Variants in RCAN1 observed in about 807,000 individuals in gnomAD.
The protein encoded by RCAN1 is regulator of calcineurin 1, also known as calcipressin-1.
Under a neutral mutation model 22.9 loss-of-function variants are expected in RCAN1, and 11 were observed. That is an observed-to-expected ratio of 0.48 (90% CI 0.30 to 0.79). The LOEUF (loss-of-function observed/expected upper bound fraction) is 0.79, where lower values mean the gene tolerates loss of function less well. RCAN1 is among the 30% of genes least tolerant of loss of function. The pLI is 0.06. For missense variants in RCAN1, 291 were observed against 337.8 expected, an observed-to-expected ratio of 0.86 and a Z score of 1.09; for synonymous variants, 136 against 142.3, an observed-to-expected ratio of 0.96 and a Z score of 0.32.
intron 1 of RCAN1, among the ~76,000 whole-genome samples, chr21:34,587,161 C>A (rs1039367302): frequency 6.6e-6 from 1 of 151,924 alleles, no homozygotes; most frequent in Admixed American, 6.6e-5. Flanking sequence ...TATTAGAAAG[C>A]CTATATAAAT....
At chr21:34,524,842 C>G (rs1402405423) in intron 1 of RCAN1, among the ~76,000 whole-genome samples, 1 of 151,826 alleles carries the variant, frequency 6.6e-6, no homozygotes, top group Non-Finnish European at 1.5e-5. Flanking sequence ...TGGAGTGTGG[C>G]TGTCGGTGGG....
chr21:34,583,850 A>T (rs1193545169), intron 1 of RCAN1, among the ~76,000 whole-genome samples: 1 of 152,204 alleles, frequency 6.6e-6, no homozygotes, highest in Non-Finnish European at 1.5e-5. Flanking sequence ...CACTGCAGAG[A>T]CCTGAAGGCT....
chr21:34,538,445 T>C (rs1196931405), intron 1 of RCAN1, among the ~76,000 whole-genome samples: 1 of 151,774 alleles, frequency 6.6e-6, no homozygotes, highest in African/African-American at 2.4e-5. Flanking sequence ...GGTGAAATTA[T>C]GTGGCACATA....
At chr21:34,578,810 A>G (rs905344410) in intron 1 of RCAN1, among the ~76,000 whole-genome samples, 18 of 152,118 alleles carry the variant, frequency 1.2e-4, no homozygotes, top group Admixed American at 2.0e-4. Flanking sequence ...AGCGCCCAAC[A>G]GAGTGGGTCC....
At position 34,518,073 on chromosome 21, in the gene RCAN1, C is replaced by G. The variant is rs200513615; in HGVS notation, c.*11G>C. The G allele has an allele frequency of 6.2e-7, 1 of 1,613,770 alleles. No individual in the cohort carries two copies. The highest frequency in any genetic ancestry group is 1.3e-5 in the African/African-American group (1 of 74,888). On this transcript the variant is annotated 3_prime_UTR_variant, in exon 4 of 4. Coordinates refer to ENST00000313806, the MANE Select transcript of RCAN1 (RefSeq NM_004414.7). The surrounding 1 kb of genome is among the most constrained non-coding windows in gnomAD (Gnocchi z 4.2). ...AGTATGATTTGGAATGCGTCCTCGT[C>G]GCGTGCCAGTTCAGCTGAGGTGGAT...
intron 1 of RCAN1, chr21:34,524,174 A>G (rs1294631429): frequency 6.5e-6 from 1 of 154,108 alleles, no homozygotes; most frequent in Non-Finnish European, 1.4e-5. Context: ...TTAGGGGACT[A>G]TGGCCTTTAG....
intron 1 of RCAN1, among the ~76,000 whole-genome samples, chr21:34,527,854 TAA>T (rs3831799): frequency 0.43 from 53,134 of 124,410 alleles, 9,867 homozygotes; most frequent in Middle Eastern, 0.49. Flanking sequence ...AAACTAAATG[TAA>T]AAAAAAAAAA....
chr21:34,538,292 TG>T (rs2123618442), intron 1 of RCAN1, among the ~76,000 whole-genome samples: 1 of 152,284 alleles, frequency 6.6e-6, no homozygotes, highest in Admixed American at 6.5e-5. Flanking sequence ...TACAAATCTA[TG>T]GTACATTTTA....
intron 1 of RCAN1, among the ~76,000 whole-genome samples, chr21:34,601,503 G>A (rs568432783): frequency 6.6e-6 from 1 of 152,298 alleles, no homozygotes; most frequent in South Asian, 2.1e-4. Flanking sequence ...TCTAAACTAA[G>A]GTGGGTGTCC....
rs1234762862 is a variant in RCAN1 at position 34,523,540 on chromosome 21, A to G, written c.423T>C (p.Ala141=). 4.3e-6 allele frequency: 7 copies of G among 1,613,928 alleles called. No homozygotes were observed. The highest frequency in any genetic ancestry group is 5.9e-6 in the Non-Finnish European group (7 of 1,179,934). The stretch of plus-strand genomic sequence containing the variant: ...CATAGCAATGAACCCAACTCACCTG[A>G]GCAAAATATAACTTCATTTCCTTTC... ...FLGKEMKLYF[A]QTLHIGSSHL... is the part of the protein sequence containing the mutation. The change falls in exon 2 of 4, where the codon GCT becomes GCC. Residue 141 remains alanine, a synonymous_variant. Transcript: ENST00000313806.
chr21:34,614,436 A>T lies in RCAN1; in HGVS notation c.252+324T>A, dbSNP rs925487548. The stretch of plus-strand genomic sequence containing the variant: ...CGAGTAAATGCGGGGCGATGGCGAG[A>T]GCGCAGGGGGCGGCGGCGCTGCCCC... On this transcript the variant is annotated intron_variant, in intron 1 of 3. Transcript: ENST00000313806. This position sits in a 1 kb window ranked among gnomAD's most constrained non-coding sequence, Gnocchi z 6.0. The T allele has an allele frequency of 9.9e-7, 1 of 1,007,614 alleles. No individual in the cohort carries two copies. The highest frequency in any genetic ancestry group is 1.2e-6 in the Non-Finnish European group (1 of 844,886). 62.4% of individuals were successfully genotyped at this position (1,007,614 alleles called of 1,614,324 possible).
At chr21:34,526,295 G>T (rs1007760951) in intron 1 of RCAN1, among the ~76,000 whole-genome samples, 1 of 152,232 alleles carries the variant, frequency 6.6e-6, no homozygotes, top group African/African-American at 2.4e-5. Context: ...TTCCTAAGAC[G>T]AAATGAAATT....
At chr21:34,601,919 ACT>A (rs1235068268) in intron 1 of RCAN1, among the ~76,000 whole-genome samples, 1 of 151,880 alleles carries the variant, frequency 6.6e-6, no homozygotes, top group East Asian at 1.9e-4. Context: ...CACTCACTGC[ACT>A]CTCAGCTGAG....
intron 1 of RCAN1, among the ~76,000 whole-genome samples, chr21:34,606,258 G>C (rs1375156773): frequency 6.6e-6 from 1 of 152,116 alleles, no homozygotes; most frequent in African/African-American, 2.4e-5. Context: ...CCCCTCCAGC[G>C]CAACCCTATA....
chr21:34,586,288 C>T (rs1987792922), intron 1 of RCAN1, among the ~76,000 whole-genome samples: 1 of 152,144 alleles, frequency 6.6e-6, no homozygotes. Flanking sequence ...CTTATCAAAA[C>T]CGACTTACTG....
At chr21:34,609,695 G>C (rs1014403664) in intron 1 of RCAN1, among the ~76,000 whole-genome samples, 1 of 152,144 alleles carries the variant, frequency 6.6e-6, no homozygotes, top group Admixed American at 6.5e-5. Context: ...AACATTTAAA[G>C]CTACTGCTAT....
intron 1 of RCAN1, among the ~76,000 whole-genome samples, chr21:34,578,874 G>C (rs2123694362): frequency 6.6e-6 from 1 of 152,194 alleles, no homozygotes; most frequent in Admixed American, 6.5e-5. Flanking sequence ...GAGCGTAGCT[G>C]GGTTTCCCAT....
chr21:34,586,049 A>T (rs1206203817), intron 1 of RCAN1, among the ~76,000 whole-genome samples: 1 of 152,216 alleles, frequency 6.6e-6, no homozygotes, highest in Non-Finnish European at 1.5e-5. Flanking sequence ...ATGAAGGAAA[A>T]GCTAGCAGGA....
intron 1 of RCAN1, among the ~76,000 whole-genome samples, chr21:34,565,972 G>A (rs1030123502): frequency 2.6e-5 from 4 of 152,158 alleles, no homozygotes; most frequent in African/African-American, 9.7e-5. Flanking sequence ...TGGAGACTAC[G>A]TTCACGCAGG....
Sources: gnomAD v4.1 joint callset for allele counts (sites outside exome capture counted in the v4.1 genomes callset) on GRCh38, gnomAD v4.1.1 for gene constraint, Gnocchi (gnomAD v3.1) non-coding constraint, MANE v1.5 for transcripts, NCBI Gene and HGNC (gene_info 2026-07-23, HGNC 2026-07-21) for gene names.